Variants in TAFA2 observed in about 807,000 individuals in gnomAD.
The protein encoded by TAFA2 is chemokine-like protein TAFA-2.
TAFA2 carries 7 observed loss-of-function variants against 18.8 expected under a neutral mutation model. The observed-to-expected ratio is 0.37, with a 90% confidence interval of 0.21 to 0.70. The LOEUF (loss-of-function observed/expected upper bound fraction) is 0.70, where lower values mean the gene tolerates loss of function less well. TAFA2 is among the 30% of genes least tolerant of loss of function. TAFA2 has a pLI of 0.53. For missense variants in TAFA2, 122 were observed against 158.1 expected, an observed-to-expected ratio of 0.77 and a Z score of 1.23; for synonymous variants, 60 against 54.2, an observed-to-expected ratio of 1.11 and a Z score of -0.47.
intron 1 of TAFA2, among the ~76,000 whole-genome samples, chr12:62,102,774 C>T (rs757490989): frequency 5.9e-5 from 9 of 152,138 alleles, no homozygotes; most frequent in Admixed American, 3.3e-4. Context: ...AGATGTATTA[C>T]GGTAGAGGAA....
In TAFA2 at chr12:62,184,884, G is replaced by GT. The variant is rs1218151433; in HGVS notation, c.-2+6374dup. On this transcript the variant is annotated intron_variant, in intron 1 of 4. Transcript: ENST00000416284. ...AACTGAGGCACAGAGAAATAAAGTG[G>GT]TTTTTTCATGGCCACATGGTTATTT... 5.9e-5 allele frequency among the ~76,000 whole-genome samples: 9 copies of GT among 152,068 alleles called. No homozygotes were observed. The East Asian group carries it at 1.7e-3, about 29-fold the overall frequency.
At chr12:61,828,675 T>A (rs911018459) in intron 2 of TAFA2, among the ~76,000 whole-genome samples, 3 of 151,862 alleles carry the variant, frequency 2.0e-5, no homozygotes, top group African/African-American at 7.2e-5. Flanking sequence ...TTTACATTAT[T>A]TTTGACCAAT....
At chr12:61,864,800 A>T (rs1874283374) in intron 2 of TAFA2, among the ~76,000 whole-genome samples, 1 of 148,506 alleles carries the variant, frequency 6.7e-6, no homozygotes, top group Non-Finnish European at 1.5e-5. Flanking sequence ...AAAAAGTACC[A>T]CATAGATGGT....
chr12:61,769,434 C>T (rs556904143), intron 2 of TAFA2, among the ~76,000 whole-genome samples: 1 of 151,850 alleles, frequency 6.6e-6, no homozygotes, highest in African/African-American at 2.4e-5. Context: ...CCAACCAACA[C>T]AAAACCATTG....
chr12:61,767,702 A>G (rs1869850750), intron 2 of TAFA2, among the ~76,000 whole-genome samples: 1 of 152,106 alleles, frequency 6.6e-6, no homozygotes, highest in African/African-American at 2.4e-5. Context: ...AGTAAGGAAC[A>G]TCCAGGTTCT....
At chr12:62,061,898 A>G (rs2136789268) in intron 1 of TAFA2, among the ~76,000 whole-genome samples, 1 of 152,312 alleles carries the variant, frequency 6.6e-6, no homozygotes, top group Admixed American at 6.5e-5. Context: ...GCATGAGAGT[A>G]CTGAGCTATT....
At chr12:61,746,290 G>A (rs781074097) in intron 4 of TAFA2, among the ~76,000 whole-genome samples, 5 of 152,030 alleles carry the variant, frequency 3.3e-5, no homozygotes, top group Admixed American at 6.6e-5. Flanking sequence ...CCTTTGCCTT[G>A]TGCCATGATT....
intron 1 of TAFA2, among the ~76,000 whole-genome samples, chr12:62,207,879 C>T (rs1040404078): frequency 2.6e-5 from 4 of 152,174 alleles, no homozygotes; most frequent in African/African-American, 9.7e-5. Flanking sequence ...ATGCTGAACC[C>T]AGTACTGGGC....
intron 4 of TAFA2, among the ~76,000 whole-genome samples, chr12:61,732,139 G>C (rs1436068126): frequency 1.3e-5 from 2 of 152,056 alleles, no homozygotes; most frequent in Non-Finnish European, 2.9e-5. Context: ...AGAAAGTGAG[G>C]TTTCAGTAAG....
chr12:61,891,980 C>T (rs1156465811), intron 1 of TAFA2, among the ~76,000 whole-genome samples: 1 of 150,426 alleles, frequency 6.6e-6, no homozygotes, highest in Non-Finnish European at 1.5e-5. Context: ...TTAAAAAGTG[C>T]TGCTGCATAG....
In TAFA2 at chr12:61,710,225, C is replaced by T. The variant is rs1869329867; in HGVS notation, c.*181G>A. The T allele has an allele frequency of 3.4e-6, 2 of 585,216 alleles. No individual in the cohort carries two copies. The highest frequency in any genetic ancestry group is 6.1e-6 in the Non-Finnish European group (2 of 325,914). 36.3% of individuals were successfully genotyped at this position (585,216 alleles called of 1,614,324 possible). On this transcript the variant is annotated 3_prime_UTR_variant, in exon 5 of 5. Transcript: ENST00000416284. ...CTGAAATCTTCATGACATGCAAGTT[C>T]ATGTCTGACTTTTAAAAAGTCTTGA...
At chr12:62,038,114 G>A in intron 1 of TAFA2, among the ~76,000 whole-genome samples, 1 of 152,130 alleles carries the variant, frequency 6.6e-6, no homozygotes, top group East Asian at 1.9e-4. Flanking sequence ...AGGAAATGGG[G>A]AGATGTAGGT....
chr12:62,021,101 TA>T lies in TAFA2; in HGVS notation c.-1-153676del, dbSNP rs546251528. Among the ~76,000 whole-genome samples, 378 of 152,280 alleles carry T rather than the reference TA, an allele frequency of 2.5e-3. 1 individual carries two copies. Among genetic ancestry groups the T allele is most frequent in the African/African-American group, 8.2e-3 (342 of 41,552 alleles). On this transcript the variant is annotated intron_variant, in intron 1 of 4. Transcript: ENST00000416284. ...AACAGAAAAAGGTTGCTAATTTCTA[TA>T]CTAAATACTGGGAAAACAAGAGGTC...
intron 1 of TAFA2, among the ~76,000 whole-genome samples, chr12:61,884,301 G>C (rs776308401): frequency 3.9e-4 from 59 of 152,240 alleles, no homozygotes; most frequent in Middle Eastern, 6.8e-3. Flanking sequence ...CTGGGGGACT[G>C]CAAAGGACAT....
chr12:62,150,327 A>G (rs999262650), intron 1 of TAFA2, among the ~76,000 whole-genome samples: 1 of 152,174 alleles, frequency 6.6e-6, no homozygotes, highest in African/African-American at 2.4e-5. Flanking sequence ...ATTTTTGAAA[A>G]CAGATATGGT....
chr12:62,110,612 C>CTTTTTT (rs68008958), intron 1 of TAFA2, among the ~76,000 whole-genome samples: 57 of 104,780 alleles, frequency 5.4e-4, no homozygotes, highest in South Asian at 2.3e-3. Flanking sequence ...TGGTCCTGGG[C>CTTTTTT]TTTTTTTTTT....
chr12:61,751,813 C>T (rs1011482839), intron 4 of TAFA2, among the ~76,000 whole-genome samples: 9 of 151,936 alleles, frequency 5.9e-5, no homozygotes, highest in African/African-American at 2.2e-4. Context: ...AAATTTGGGT[C>T]ATTGAGAATA....
At chr12:61,810,023 T>C (rs1184975152) in intron 2 of TAFA2, among the ~76,000 whole-genome samples, 1 of 151,376 alleles carries the variant, frequency 6.6e-6, no homozygotes, top group Non-Finnish European at 1.5e-5. Context: ...GTTGTTAAAG[T>C]CCTTTTGGGA....
At chr12:61,841,658 T>C (rs949002830) in intron 2 of TAFA2, among the ~76,000 whole-genome samples, 2 of 152,076 alleles carry the variant, frequency 1.3e-5, no homozygotes, top group African/African-American at 4.8e-5. Flanking sequence ...AATTTCAGGA[T>C]TTTTTTAAAT....
Sources: gnomAD v4.1 joint callset for allele counts (sites outside exome capture counted in the v4.1 genomes callset) on GRCh38, gnomAD v4.1.1 for gene constraint, MANE v1.5 for transcripts, NCBI Gene and HGNC (gene_info 2026-07-23, HGNC 2026-07-21) for gene names.